NRIP1: variants seen among roughly 807,000 people sequenced by gnomAD.
The protein encoded by NRIP1 is nuclear receptor interacting protein 1.
In NRIP1, 28 loss-of-function variants were observed where a neutral mutation model predicts 75.0. That is an observed-to-expected ratio of 0.37 (90% confidence interval 0.28 to 0.51). NRIP1 has a LOEUF of 0.51. Among genes scored for constraint, NRIP1 ranks in the 20% least tolerant of loss-of-function variants. The pLI is 0.92. For missense variants in NRIP1, 1,435 were observed against 1,343.7 expected, an observed-to-expected ratio of 1.07 and a Z score of -1.06; for synonymous variants, 526 against 487.6, an observed-to-expected ratio of 1.08 and a Z score of -1.04.
chr21:15,021,779 T>C (rs929622400), intron 2 of NRIP1, among the ~76,000 whole-genome samples: 5 of 151,946 alleles, frequency 3.3e-5, no homozygotes, highest in African/African-American at 7.2e-5. Context: ...GGCCAGCAAA[T>C]ATAGATATAA....
At chr21:15,020,344 T>A (rs1336919175) in intron 2 of NRIP1, among the ~76,000 whole-genome samples, 1 of 152,206 alleles carries the variant, frequency 6.6e-6, no homozygotes, top group African/African-American at 2.4e-5. Context: ...GCAATTAAAA[T>A]AATAGTCTTT....
chr21:14,966,520 G>T lies in NRIP1; in HGVS notation c.1673C>A (p.Thr558Lys). 1 of 1,613,970 alleles carries T rather than the reference G, an allele frequency of 6.2e-7. No individual in the cohort carries two copies. Among genetic ancestry groups the T allele is most frequent in the Non-Finnish European group, 8.5e-7 (1 of 1,179,866 alleles). Residue 558 changes from threonine (T) to lysine (K), a missense_variant, in exon 4 of 4, where the codon ACA (threonine) becomes AAA (lysine). Transcript: ENST00000318948. ...GATGGGAGACCCTGCTTTGCTTGAT[G>T]TAAGTAAAGGTGGAGTGCTCACTGG... is the stretch of plus-strand genomic sequence containing the variant. ...TTPVSTPPLL[T>K]SSKAGSPINL...
Position 14,965,818 on chromosome 21 carries a change from G to A in NRIP1, c.2375C>T (p.Ala792Val), listed in dbSNP as rs61755059. 694 of 1,613,948 alleles carry A rather than the reference G, an allele frequency of 4.3e-4. 1 individual carries two copies. The highest frequency in any genetic ancestry group is 5.4e-4 in the Non-Finnish European group (636 of 1,179,954). ...LGMAPAVQRS[A>V]PALPVSEDFK... is the part of the protein sequence containing the mutation. ...GTCTTCGGACACTGGTAAGGCAGGT[G>A]CGCTTCTCTGCACAGCAGGAGCCAT... Residue 792 changes from alanine (A) to valine (V), a missense_variant, in exon 4 of 4, where the codon GCA becomes GTA. By Grantham distance (64) the Ala-to-Val change is moderately conservative. Coordinates refer to ENST00000318948, the MANE Select transcript of NRIP1 (RefSeq NM_003489.4).
At chr21:14,976,748 G>T (rs2087082372) in intron 3 of NRIP1, among the ~76,000 whole-genome samples, 1 of 152,080 alleles carries the variant, frequency 6.6e-6, no homozygotes, top group Non-Finnish European at 1.5e-5. Flanking sequence ...CTTACATGTA[G>T]GACTATTTTT....
At chr21:14,984,125 T>A (rs73170302) in intron 3 of NRIP1, among the ~76,000 whole-genome samples, 3,108 of 152,240 alleles carry the variant, frequency 0.02, 83 homozygotes, top group African/African-American at 0.059. Flanking sequence ...CAGAGTCAAC[T>A]GAAAAGCTTC....
chr21:15,024,076 A>G (rs147652444), intron 2 of NRIP1, among the ~76,000 whole-genome samples: 2 of 152,364 alleles, frequency 1.3e-5, no homozygotes, highest in Non-Finnish European at 2.9e-5. Context: ...AAAACAAAAT[A>G]TAAGAGGATA....
At chr21:15,044,506 C>T (rs1328863731) in intron 1 of NRIP1, among the ~76,000 whole-genome samples, 1 of 151,826 alleles carries the variant, frequency 6.6e-6, no homozygotes, top group East Asian at 1.9e-4. Flanking sequence ...AAGGGAGGTA[C>T]CATGCGAACT....
chr21:14,979,453 C>CAGATCAGCAAGAAAGATT (rs1158238756), intron 3 of NRIP1, among the ~76,000 whole-genome samples: 2 of 152,140 alleles, frequency 1.3e-5, no homozygotes, highest in African/African-American at 4.8e-5. Context: ...GTCAAGGTCA[C>CAGATCAGCAAGAAAGATT]AGATCAGCAA....
intron 2 of NRIP1, among the ~76,000 whole-genome samples, chr21:15,033,270 G>A (rs988293765): frequency 4.0e-5 from 6 of 151,078 alleles, no homozygotes; most frequent in East Asian, 3.9e-4. Context: ...CCAGGACTAC[G>A]TTAAATGCTT....
At chr21:15,011,660 C>T (rs2088107469) in intron 3 of NRIP1, among the ~76,000 whole-genome samples, 1 of 152,068 alleles carries the variant, frequency 6.6e-6, no homozygotes, top group Admixed American at 6.5e-5. Context: ...AATAAAAATT[C>T]CATTAGAGAA....
At chr21:15,019,479 T>C (rs1432765258) in intron 2 of NRIP1, among the ~76,000 whole-genome samples, 1 of 94,418 alleles carries the variant, frequency 1.1e-5, no homozygotes, top group Non-Finnish European at 1.9e-5. Context: ...TCTTTTTTTT[T>C]TTTTTTTTTT....
chr21:15,034,768 G>A (rs563042805), intron 2 of NRIP1, among the ~76,000 whole-genome samples: 20 of 151,330 alleles, frequency 1.3e-4, no homozygotes, highest in African/African-American at 4.6e-4. Context: ...CGAGGTTTGT[G>A]GAAACTCTTA....
intron 3 of NRIP1, among the ~76,000 whole-genome samples, chr21:14,975,139 T>C (rs2736089): frequency 0.7 from 106,155 of 151,732 alleles, 38,602 homozygotes; most frequent in East Asian, 0.93. Context: ...GACGAATGGA[T>C]GGAAGGAAGG....
intron 3 of NRIP1, among the ~76,000 whole-genome samples, chr21:15,001,367 G>A (rs2087845559): frequency 6.6e-6 from 1 of 152,140 alleles, no homozygotes; most frequent in African/African-American, 2.4e-5. Context: ...TTGCAGTACA[G>A]ATTTATACAC....
chr21:14,981,294 G>A (rs1033797299), intron 3 of NRIP1, among the ~76,000 whole-genome samples: 1 of 152,212 alleles, frequency 6.6e-6, no homozygotes, highest in African/African-American at 2.4e-5. Context: ...AGAAACTGCG[G>A]TGCGTGCTTT....
At chr21:15,016,309 G>T (rs1250608256) in intron 2 of NRIP1, among the ~76,000 whole-genome samples, 1 of 152,082 alleles carries the variant, frequency 6.6e-6, no homozygotes, top group South Asian at 2.1e-4. Context: ...TACCTAGAAG[G>T]ATGTGATTCA....
chr21:15,054,057 A>G (rs1450062604), intron 1 of NRIP1, among the ~76,000 whole-genome samples: 1 of 152,178 alleles, frequency 6.6e-6, no homozygotes, highest in African/African-American at 2.4e-5. Flanking sequence ...GTTGAATATG[A>G]CTCTTAGAAA....
At position 14,965,686 on chromosome 21, in the gene NRIP1, T is replaced by C. The variant is rs779601974; in HGVS notation, c.2507A>G (p.Asp836Gly). The change falls in exon 4 of 4, where the codon GAC becomes GGC. Residue 836 changes from aspartate to glycine, a missense_variant. By Grantham distance (94) the Asp-to-Gly change is moderately conservative. Transcript: ENST00000318948. ...CATTTCATTATTTCTGTGACTCCTG[T>C]CTGAATCATCTGCCAGGTAACTATC... Reference protein sequence around the residue: ...NQDSYLADDSDRSHRNNEMAL... With the variant: ...NQDSYLADDSGRSHRNNEMAL... 34 of 1,613,548 alleles carry C rather than the reference T, an allele frequency of 2.1e-5. 1 individual carries two copies. The highest frequency in any genetic ancestry group is 7.7e-5 in the South Asian group (7 of 91,080).
intron 1 of NRIP1, among the ~76,000 whole-genome samples, chr21:15,052,855 T>C (rs1235235914): frequency 1.3e-5 from 2 of 152,054 alleles, no homozygotes; most frequent in African/African-American, 2.4e-5. Flanking sequence ...ATTTACTTCA[T>C]ACAATTAAAA....
Sources: gnomAD v4.1 joint callset for allele counts (sites outside exome capture counted in the v4.1 genomes callset) on GRCh38, gnomAD v4.1.1 for gene constraint, MANE v1.5 for transcripts, NCBI Gene and HGNC (gene_info 2026-07-23, HGNC 2026-07-21) for gene names.